SNX13: variants seen among roughly 807,000 people sequenced by gnomAD.
The protein encoded by SNX13 is sorting nexin 13.
A neutral mutation model predicts 133.6 loss-of-function variants in SNX13; 45 were observed. That is an observed-to-expected ratio of 0.34 (90% CI 0.27 to 0.43). SNX13 has a LOEUF of 0.43. Among genes scored for constraint, SNX13 ranks in the 20% least tolerant of loss-of-function variants. SNX13 has a pLI of 1.00. For missense variants in SNX13, 1,032 were observed against 1,145.1 expected, an observed-to-expected ratio of 0.90 and a Z score of 1.43; for synonymous variants, 414 against 373.9, an observed-to-expected ratio of 1.11 and a Z score of -1.24.
rs765308971 is a variant in SNX13, at chr7:17,866,294, G to GA, written c.837+2112dup. 2.8e-3 allele frequency among the ~76,000 whole-genome samples: 356 copies of GA among 128,860 alleles called. 1 individual carries two copies. Among genetic ancestry groups the GA allele is most frequent in the Middle Eastern group, 8.1e-3 (2 of 248 alleles). 84.5% of individuals were successfully genotyped at this position (128,860 alleles called of 152,430 possible). On this transcript the variant is annotated intron_variant, in intron 9 of 25. Transcript: ENST00000428135. ...ATAAGGAACTCAAACAACTCAATAG[G>GA]AAAAAAAAAAAAAGAATCCCATTAA...
In SNX13 at chr7:17,799,261, A is replaced by G. The variant is rs1202776573; in HGVS notation, c.2299-107T>C. 1.3e-5 allele frequency: 12 copies of G among 956,014 alleles called. 1 individual carries two copies. Among genetic ancestry groups the G allele is most frequent in the Non-Finnish European group, 1.6e-5 (11 of 681,622 alleles). 59.2% of individuals were successfully genotyped at this position (956,014 alleles called of 1,614,324 possible). ...TTGATATTTCACAAGTCAGAGAACA[A>G]GTTACATTTTAGCCTTTGTAACTTG... On this transcript the variant is annotated intron_variant, in intron 22 of 25. Coordinates refer to ENST00000428135, the MANE Select transcript of SNX13 (RefSeq NM_015132.5).
intron 5 of SNX13, 114 bp from the exon 6 acceptor site, chr7:17,875,904 T>C (rs761143544): frequency 1.0e-5 from 9 of 890,296 alleles, no homozygotes; most frequent in South Asian, 2.2e-5. Flanking sequence ...TAAATTTAAA[T>C]TGAGATTTTC....
intron 1 of SNX13, among the ~76,000 whole-genome samples, chr7:17,933,739 T>A (rs1801689398): frequency 6.9e-6 from 1 of 145,334 alleles, no homozygotes; most frequent in African/African-American, 2.6e-5. Context: ...ACCAAGAAAA[T>A]AGTGAGCAAT....
At position 17,792,573 on chromosome 7, in the gene SNX13, G is replaced by A. The variant is rs953656969; in HGVS notation, c.*1472C>T. 1.3e-5 allele frequency: 2 copies of A among 152,132 alleles called. No homozygotes were observed. Among genetic ancestry groups the A allele is most frequent in the African/African-American group, 4.8e-5 (2 of 41,322 alleles). The allele number at this position is 152,132 out of a possible 1,614,324, so 9.4% of individuals were successfully genotyped here. ...CAATCTTAAAGCTCCCAAATAACTG[G>A]GATACCAATACTCTGTCCCTTTATC... is the stretch of plus-strand genomic sequence containing the variant. On this transcript the variant is annotated 3_prime_UTR_variant, in exon 26 of 26. Transcript: ENST00000428135.
At chr7:17,890,549 C>CTAAAAAA (rs1418136997) in intron 4 of SNX13, 65 bp from the exon 5 acceptor site, 34 of 1,288,482 alleles carry the variant, frequency 2.6e-5, no homozygotes, top group Non-Finnish European at 3.4e-5. Flanking sequence ...CAGTGGTAAA[C>CTAAAAAA]TAAAAAAGTA....
chr7:17,927,306 G>A (rs1007776844), intron 1 of SNX13, among the ~76,000 whole-genome samples: 2 of 151,630 alleles, frequency 1.3e-5, no homozygotes, highest in Admixed American at 6.6e-5. Context: ...GCAGTGATGC[G>A]ATCATAGCTC....
chr7:17,823,393 T>C lies in SNX13; in HGVS notation c.1706-1745A>G, dbSNP rs574237513. On this transcript the variant is annotated intron_variant, in intron 17 of 25. Transcript: ENST00000428135. Reference sequence around the variant, plus strand: ...GTGGTCAAGTTCTGGGGCTAACATTTTGCTATTTCGTATATAACTGGGCAG... The same window carrying C: ...GTGGTCAAGTTCTGGGGCTAACATTCTGCTATTTCGTATATAACTGGGCAG... 3.6e-4 allele frequency among the ~76,000 whole-genome samples: 55 copies of C among 152,276 alleles called. 1 individual carries two copies. The highest frequency in any genetic ancestry group is 7.2e-4 in the Non-Finnish European group (49 of 68,022).
intron 1 of SNX13, among the ~76,000 whole-genome samples, chr7:17,933,652 C>T (rs144169132): frequency 2.7e-3 from 404 of 152,002 alleles, no homozygotes; most frequent in African/African-American, 9.4e-3. Flanking sequence ...TTAGTCTATT[C>T]CCTGTCTCCC....
At chr7:17,912,532 T>C (rs1799096289) in intron 1 of SNX13, among the ~76,000 whole-genome samples, 1 of 152,006 alleles carries the variant, frequency 6.6e-6, no homozygotes, top group Admixed American at 6.5e-5. Context: ...TGCCTCAGCC[T>C]CCTGAGTAGC....
chr7:17,913,760 C>CAAAAAAAAAA (rs71010278), intron 1 of SNX13, among the ~76,000 whole-genome samples: 26 of 54,030 alleles, frequency 4.8e-4, no homozygotes, highest in East Asian at 7.7e-4. Context: ...TTAACAAAAA[C>CAAAAAAAAAA]AAAAAAAAAA....
intron 15 of SNX13, chr7:17,831,220 G>C: frequency 2.0e-6 from 2 of 983,888 alleles, no homozygotes; most frequent in South Asian, 9.4e-5. Flanking sequence ...AATCTTGGTC[G>C]ACATTTAATC....
At chr7:17,915,076 G>A (rs1019395114) in intron 1 of SNX13, among the ~76,000 whole-genome samples, 3 of 152,138 alleles carry the variant, frequency 2.0e-5, no homozygotes, top group African/African-American at 7.2e-5. Flanking sequence ...TGCTATTCTT[G>A]TATCAAATAA....
At chr7:17,939,219 T>C (rs1802469744) in intron 1 of SNX13, among the ~76,000 whole-genome samples, 1 of 152,238 alleles carries the variant, frequency 6.6e-6, no homozygotes, top group Non-Finnish European at 1.5e-5. Flanking sequence ...AATGTTTGTA[T>C]TTCCTTTTTG....
Position 17,897,990 on chromosome 7 carries a change from T to C in SNX13, c.13-544A>G, listed in dbSNP as rs535619758. ...TACTCAAATTACGTATAGAAACTCA[T>C]ACAATTATAATTACAAAAGTTCCAA... On this transcript the variant is annotated intron_variant, in intron 1 of 25. Transcript: ENST00000428135. The C allele has an allele frequency of 1.4e-4, 22 of 152,068 alleles. No individual in the cohort carries two copies. In the East Asian group the frequency reaches 3.7e-3, roughly 25 times the overall value. 9.4% of individuals were successfully genotyped at this position (152,068 alleles called of 1,614,324 possible). A position where few individuals can be genotyped will look rare whatever the true frequency, so the allele number is the denominator to read the frequency against.
At chr7:17,898,114 T>A (rs557911309) in intron 1 of SNX13, 68 of 152,214 alleles carry the variant, frequency 4.5e-4, no homozygotes, top group African/African-American at 1.5e-3. Flanking sequence ...TTATACTGTT[T>A]TAGCCAATTA....
At chr7:17,854,367 G>C (rs1395903277) in intron 9 of SNX13, among the ~76,000 whole-genome samples, 1 of 152,134 alleles carries the variant, frequency 6.6e-6, no homozygotes. Flanking sequence ...ATGGTTATAG[G>C]AACAAGGAAT....
intron 1 of SNX13, among the ~76,000 whole-genome samples, chr7:17,911,263 T>C (rs926005617): frequency 6.6e-6 from 1 of 152,186 alleles, no homozygotes; most frequent in African/African-American, 2.4e-5. Flanking sequence ...AATTGTATCA[T>C]ATAGGAATGT....
intron 20 of SNX13, among the ~76,000 whole-genome samples, chr7:17,804,703 AC>A (rs1784992909): frequency 6.6e-6 from 1 of 151,968 alleles, no homozygotes; most frequent in African/African-American, 2.4e-5. Flanking sequence ...AAGACACAAA[AC>A]CAAAGTCATA....
In SNX13 at chr7:17,792,758, C is replaced by A. The variant is rs1783669447; in HGVS notation, c.*1287G>T. ...AAAGTATTTAAAACTATGCAGAAATCCTGCATAGAAGGGATGTGAATACTT... is the reference window on the plus strand; with the variant it reads ...AAAGTATTTAAAACTATGCAGAAATACTGCATAGAAGGGATGTGAATACTT... On this transcript the variant is annotated 3_prime_UTR_variant, in exon 26 of 26. Coordinates refer to ENST00000428135, the MANE Select transcript of SNX13 (RefSeq NM_015132.5). 1 of 152,210 alleles carries A rather than the reference C, an allele frequency of 6.6e-6. No homozygotes were observed. Among genetic ancestry groups the A allele is most frequent in the African/African-American group, 2.4e-5 (1 of 41,348 alleles). The allele number at this position is 152,210 out of a possible 1,614,324, so 9.4% of individuals were successfully genotyped here.
Sources: allele counts gnomAD v4.1 joint callset (sites outside exome capture counted in the v4.1 genomes callset), GRCh38; gene constraint gnomAD v4.1.1; transcripts MANE v1.5; gene names NCBI Gene and HGNC (gene_info 2026-07-23, HGNC 2026-07-21).